The following CCDC178 variants were observed in gnomAD, a reference collection of about 807,000 sequenced individuals.
CCDC178 encodes coiled-coil domain-containing protein 178.
In CCDC178, 126 loss-of-function variants were observed where a neutral mutation model predicts 117.4. The ratio of observed to expected loss-of-function variants is 1.07; its 90% confidence interval spans 0.93 to 1.24. The LOEUF (loss-of-function observed/expected upper bound fraction) is 1.24. CCDC178 is among the 50% of genes most tolerant of loss of function. CCDC178 has a pLI of 0.00. For synonymous variants in CCDC178, 283 were observed against 313.4 expected (o/e 0.90, Z 1.02); for missense variants, 1,030 against 986.9 (o/e 1.04, Z -0.59).
At position 32,938,153 on chromosome 18, in the gene CCDC178, T is replaced by C; in HGVS notation, c.2524-62A>G. The C allele has an allele frequency of 7.0e-6, 8 of 1,145,874 alleles. No homozygotes were observed. The South Asian group carries it at 8.8e-5, about 13-fold the overall frequency. 71.0% of individuals were successfully genotyped at this position (1,145,874 alleles called of 1,614,324 possible). The stretch of plus-strand genomic sequence containing the variant: ...ACTCATTAATTAAGAAAACAGAGCA[T>C]TATTATGAAATCATACACATGGAAA... On this transcript the variant is annotated intron_variant, in intron 22 of 22. Transcript: ENST00000383096.
intron 21 of CCDC178, among the ~76,000 whole-genome samples, chr18:33,044,746 A>C (rs919904629): frequency 2.6e-5 from 4 of 152,202 alleles, no homozygotes; most frequent in African/African-American, 9.6e-5. Flanking sequence ...AATAGCAAAG[A>C]TCTGGAATCA....
rs980188841 is a variant in CCDC178 at position 32,958,145 on chromosome 18, A to G, written c.2523+16402T>C. The G allele has an allele frequency of 5.9e-6, 3 of 509,006 alleles. No homozygotes were observed. In the African/African-American group the frequency reaches 5.9e-5, roughly 10 times the overall value. The allele number at this position is 509,006 out of a possible 1,614,324, so 31.5% of individuals were successfully genotyped here. ...AATTCTGATGAGAAATAAAACACAG[A>G]CATTACGTTTGAAGTGGTTCATAAT... is the stretch of plus-strand genomic sequence containing the variant. On this transcript the variant is annotated intron_variant, in intron 22 of 22. Transcript: ENST00000383096.
intron 14 of CCDC178, among the ~76,000 whole-genome samples, chr18:33,256,136 A>G (rs1254627228): frequency 6.6e-6 from 1 of 152,084 alleles, no homozygotes; most frequent in Admixed American, 6.6e-5. Flanking sequence ...AAATATTTCT[A>G]ATAATCTAGC....
chr18:33,220,605 T>C (rs2059220624), intron 18 of CCDC178, among the ~76,000 whole-genome samples: 1 of 152,118 alleles, frequency 6.6e-6, no homozygotes, highest in African/African-American at 2.4e-5. Context: ...TTTTAATTTA[T>C]ATAAATGCAA....
chr18:33,379,513 G>A (rs1425306037), intron 5 of CCDC178, among the ~76,000 whole-genome samples: 3 of 152,058 alleles, frequency 2.0e-5, no homozygotes, highest in Admixed American at 1.3e-4. Flanking sequence ...TAGATGGGCA[G>A]GACACTCTGG....
chr18:33,168,312 T>C (rs1195681848), intron 20 of CCDC178, among the ~76,000 whole-genome samples: 1 of 152,176 alleles, frequency 6.6e-6, no homozygotes, highest in Non-Finnish European at 1.5e-5. Flanking sequence ...GGCTAGCCAG[T>C]TGTCCCAGCA....
chr18:33,435,370 G>C (rs949098737), intron 2 of CCDC178, among the ~76,000 whole-genome samples: 1 of 152,098 alleles, frequency 6.6e-6, no homozygotes, highest in South Asian at 2.1e-4. Flanking sequence ...AAGTCTTTTG[G>C]ACAGTGTTGT....
intron 20 of CCDC178, among the ~76,000 whole-genome samples, chr18:33,174,153 T>C (rs866182816): frequency 4.0e-5 from 6 of 151,718 alleles, no homozygotes; most frequent in Non-Finnish European, 2.9e-5. Context: ...CGTCACACGG[T>C]GAGAATGGAG....
chr18:33,350,590 G>C (rs986955497), intron 7 of CCDC178, among the ~76,000 whole-genome samples: 1 of 152,086 alleles, frequency 6.6e-6, no homozygotes, highest in Non-Finnish European at 1.5e-5. Flanking sequence ...CCATGTTGCA[G>C]TATGTAGAAG....
At chr18:33,076,695 G>T (rs1346804328) in intron 21 of CCDC178, among the ~76,000 whole-genome samples, 1 of 152,144 alleles carries the variant, frequency 6.6e-6, no homozygotes, top group Non-Finnish European at 1.5e-5. Context: ...TGTGTGTGAG[G>T]GGGAGGAGGC....
At chr18:33,113,786 T>C (rs145510846) in intron 20 of CCDC178, among the ~76,000 whole-genome samples, 1 of 152,150 alleles carries the variant, frequency 6.6e-6, no homozygotes, top group East Asian at 1.9e-4. Flanking sequence ...GGACACTACT[T>C]TGGCTATGTT....
intron 20 of CCDC178, among the ~76,000 whole-genome samples, chr18:33,103,582 TA>T (rs1204805697): frequency 2.1e-3 from 292 of 140,510 alleles, no homozygotes; most frequent in Middle Eastern, 3.6e-3. Context: ...TCGAAGTCCT[TA>T]AAAAAAAAAA....
intron 2 of CCDC178, among the ~76,000 whole-genome samples, chr18:33,432,045 G>A (rs2064226611): frequency 6.6e-6 from 1 of 152,160 alleles, no homozygotes; most frequent in Admixed American, 6.5e-5. Context: ...CTGCATCACA[G>A]GCATGAGAGC....
chr18:33,421,734 G>T (rs2064029002), intron 2 of CCDC178, among the ~76,000 whole-genome samples: 1 of 152,110 alleles, frequency 6.6e-6, no homozygotes, highest in South Asian at 2.1e-4. Flanking sequence ...ATCAATGCTG[G>T]AACGGGTTAC....
chr18:32,999,699 T>C (rs1445790396), intron 21 of CCDC178, among the ~76,000 whole-genome samples: 3 of 152,178 alleles, frequency 2.0e-5, no homozygotes, highest in African/African-American at 7.2e-5. Flanking sequence ...CTCTGCCTAA[T>C]TACTGAGAAA....
intron 15 of CCDC178, among the ~76,000 whole-genome samples, chr18:33,232,760 C>T (rs558161235): frequency 1.3e-5 from 2 of 152,208 alleles, no homozygotes; most frequent in Non-Finnish European, 1.5e-5. Flanking sequence ...TCCACAGATA[C>T]GCATTTTGAC....
At chr18:33,343,855 T>G (rs1599192602) in intron 9 of CCDC178, among the ~76,000 whole-genome samples, 1 of 152,180 alleles carries the variant, frequency 6.6e-6, no homozygotes, top group African/African-American at 2.4e-5. Flanking sequence ...CTATATACTT[T>G]TGAGAATCTA....
chr18:32,961,505 G>A (rs574443083), intron 22 of CCDC178, among the ~76,000 whole-genome samples: 48 of 152,114 alleles, frequency 3.2e-4, no homozygotes, highest in African/African-American at 1.1e-3. Context: ...ACTTACAGAC[G>A]ATTTAAATTG....
intron 4 of CCDC178, among the ~76,000 whole-genome samples, chr18:33,393,833 C>T (rs1335766039): frequency 6.6e-6 from 1 of 151,932 alleles, no homozygotes; most frequent in African/African-American, 2.4e-5. Context: ...GCTTTCATTT[C>T]TGTTTGTTAA....
Sources: gnomAD v4.1 joint callset for allele counts (sites outside exome capture counted in the v4.1 genomes callset) on GRCh38, gnomAD v4.1.1 for gene constraint, MANE v1.5 for transcripts, NCBI Gene and HGNC (gene_info 2026-07-23, HGNC 2026-07-21) for gene names.